Variants in SAMD5 observed in about 807,000 individuals in gnomAD.
SAMD5 encodes the protein sterile alpha motif domain containing 5.
In SAMD5, 13 loss-of-function variants were observed where a neutral mutation model predicts 11.3. That is an observed-to-expected ratio of 1.15 (90% CI 0.75 to 1.83). The LOEUF (loss-of-function observed/expected upper bound fraction) is 1.83. SAMD5 is among the 40% of genes most tolerant of loss of function. The pLI is 0.00. For missense variants in SAMD5, 255 were observed against 239.1 expected (o/e 1.07, Z -0.44); for synonymous variants, 129 against 111.3 (o/e 1.16, Z -1.00).
the SAMD5 span, among the ~76,000 whole-genome samples, chr6:147,872,280 TA>T: frequency 1.6e-4 from 24 of 152,008 alleles, no homozygotes; most frequent in African/African-American, 5.6e-4. Flanking sequence ...TGTTTTTTTT[TA>T]GAGATGGGGT....
At chr6:147,929,055 C>A in the SAMD5 span, among the ~76,000 whole-genome samples, 1 of 151,466 alleles carries the variant, frequency 6.6e-6, no homozygotes, top group Non-Finnish European at 1.5e-5. Context: ...TTTGCATTTG[C>A]TGAGGATTGT....
chr6:147,877,052 T>C, the SAMD5 span, among the ~76,000 whole-genome samples: 1 of 150,518 alleles, frequency 6.6e-6, no homozygotes, highest in East Asian at 1.9e-4. Context: ...AATGAAATTC[T>C]TTTTTCCCAA....
the SAMD5 span, among the ~76,000 whole-genome samples, chr6:147,949,331 C>A: frequency 6.6e-6 from 1 of 152,178 alleles, no homozygotes; most frequent in Non-Finnish European, 1.5e-5. Context: ...TTAACTCAGA[C>A]CGCAGTAATA....
chr6:147,688,907 A>G (rs1791059045), intron 1 of SAMD5, among the ~76,000 whole-genome samples: 1 of 152,224 alleles, frequency 6.6e-6, no homozygotes, highest in Non-Finnish European at 1.5e-5. Context: ...AACTAGTCAG[A>G]AACCTACTCT....
chr6:147,598,729 G>A lies in SAMD5; in HGVS notation c.162+89342G>A, dbSNP rs562458749. 1.1e-4 allele frequency among the ~76,000 whole-genome samples: 16 copies of A among 152,216 alleles called. 1 individual carries two copies. The highest frequency in any genetic ancestry group is 7.8e-4 in the East Asian group (4 of 5,160). On this transcript the variant is annotated intron_variant, in intron 1 of 1. Transcript: ENST00000566741. Reference sequence around the variant, plus strand: ...CCTCTTCTGTACATCTGACATGTGCGTGCATTCATTCATTCATCAATCTGC... The same window carrying A: ...CCTCTTCTGTACATCTGACATGTGCATGCATTCATTCATTCATCAATCTGC...
intron 1 of SAMD5, among the ~76,000 whole-genome samples, chr6:147,729,222 T>G (rs971473777): frequency 9.9e-5 from 15 of 152,198 alleles, no homozygotes; most frequent in Non-Finnish European, 2.1e-4. Context: ...AGGACCTCAC[T>G]TAGCGTTAAT....
Position 147,567,885 on chromosome 6 carries a change from C to T in SAMD5, c.*3429C>T. On this transcript the variant is annotated 3_prime_UTR_variant, in exon 2 of 2. Coordinates refer to ENST00000367474, the MANE Select transcript of SAMD5 (RefSeq NM_001030060.3). Reference sequence around the variant, plus strand: ...AGAATTTGATTTAAGGAAACAATAACACTCCATCCTGGGCAACAGAGCAAG... The same window carrying T: ...AGAATTTGATTTAAGGAAACAATAATACTCCATCCTGGGCAACAGAGCAAG... The T allele has an allele frequency of 1.0e-6, 1 of 985,530 alleles. No individual in the cohort carries two copies. Among genetic ancestry groups the T allele is most frequent in the Non-Finnish European group, 1.2e-6 (1 of 830,042 alleles). 61.0% of individuals were successfully genotyped at this position (985,530 alleles called of 1,614,324 possible).
chr6:147,522,813 A>G (rs1188691763), intron 1 of SAMD5, among the ~76,000 whole-genome samples: 1 of 152,302 alleles, frequency 6.6e-6, no homozygotes, highest in East Asian at 1.9e-4. Flanking sequence ...GAAGTGGGGC[A>G]TGGGGACCAG....
the SAMD5 span, among the ~76,000 whole-genome samples, chr6:147,909,181 C>A: frequency 6.6e-6 from 1 of 152,186 alleles, no homozygotes; most frequent in Non-Finnish European, 1.5e-5. Context: ...CACACGCCAG[C>A]CTAGGCTGGA....
Position 147,568,259 on chromosome 6 carries a change from A to T in SAMD5, c.*3803A>T, listed in dbSNP as rs1178732745. On this transcript the variant is annotated 3_prime_UTR_variant, in exon 2 of 2. Coordinates refer to ENST00000367474, the MANE Select transcript of SAMD5 (RefSeq NM_001030060.3). Reference sequence around the variant, plus strand: ...CCAGATATACCAGGGACTGGAAAGCACCTGCTTGAAAATTGATATGAGCAT... The same window carrying T: ...CCAGATATACCAGGGACTGGAAAGCTCCTGCTTGAAAATTGATATGAGCAT... 1 of 985,274 alleles carries T rather than the reference A, an allele frequency of 1.0e-6. No homozygotes were observed. Among genetic ancestry groups the T allele is most frequent in the African/African-American group, 1.7e-5 (1 of 57,222 alleles). The allele number at this position is 985,274 out of a possible 1,614,324, so 61.0% of individuals were successfully genotyped here. A position where few individuals can be genotyped will look rare whatever the true frequency, so the allele number is the denominator to read the frequency against.
intron 1 of SAMD5, among the ~76,000 whole-genome samples, chr6:147,605,451 T>C (rs1401068861): frequency 1.3e-5 from 2 of 152,158 alleles, no homozygotes; most frequent in African/African-American, 4.8e-5. Flanking sequence ...AATGTATTGA[T>C]AAGAATGGAT....
chr6:147,593,957 G>A (rs1409869432), intron 1 of SAMD5, among the ~76,000 whole-genome samples: 4 of 152,036 alleles, frequency 2.6e-5, no homozygotes, highest in East Asian at 3.9e-4. Context: ...GTGAAACCCC[G>A]TCTGTACTAA....
chr6:147,909,630 T>TC, the SAMD5 span, among the ~76,000 whole-genome samples: 425 of 44,560 alleles, frequency 9.5e-3, 48 homozygotes, highest in African/African-American at 0.018. Context: ...CTTTCTTTCT[T>TC]TCTCTTTCTT....
the SAMD5 span, among the ~76,000 whole-genome samples, chr6:147,824,779 T>C: frequency 1.3e-5 from 2 of 152,230 alleles, no homozygotes; most frequent in Non-Finnish European, 2.9e-5. Flanking sequence ...TAAACTAAGA[T>C]TGTTTGTTAC....
chr6:147,888,521 G>A, the SAMD5 span, among the ~76,000 whole-genome samples: 2 of 152,186 alleles, frequency 1.3e-5, no homozygotes, highest in East Asian at 1.9e-4. Context: ...TGTTTCCAAT[G>A]AGAAATCTGT....
intron 1 of SAMD5, among the ~76,000 whole-genome samples, chr6:147,621,007 C>T (rs192092987): frequency 5.6e-4 from 84 of 151,192 alleles, no homozygotes; most frequent in African/African-American, 1.3e-3. Flanking sequence ...CGCACATGCG[C>T]GCGCATGTAG....
chr6:147,691,245 C>T (rs1335299288), intron 1 of SAMD5, among the ~76,000 whole-genome samples: 1 of 152,074 alleles, frequency 6.6e-6, no homozygotes, highest in Non-Finnish European at 1.5e-5. Context: ...CCACCTGCCT[C>T]GGCCTTCCAA....
rs182178375 is a variant in SAMD5, at chr6:147,532,030, A to G, written c.459+22643A>G. Reference sequence around the variant, plus strand: ...CAAAAGAGATAGTAAAACTAACTATAACGTAGACATTACCAGAAAACAAAT... The same window carrying G: ...CAAAAGAGATAGTAAAACTAACTATGACGTAGACATTACCAGAAAACAAAT... On this transcript the variant is annotated intron_variant, in intron 1 of 1. Coordinates refer to ENST00000367474, the MANE Select transcript of SAMD5 (RefSeq NM_001030060.3). Among the ~76,000 whole-genome samples the G allele has an allele frequency of 3.3e-5, 5 of 152,350 alleles. No individual in the cohort carries two copies. In the East Asian group the frequency reaches 7.7e-4, roughly 23 times the overall value.
At chr6:147,770,356 G>A in the SAMD5 span, among the ~76,000 whole-genome samples, 2 of 151,924 alleles carry the variant, frequency 1.3e-5, no homozygotes, top group African/African-American at 4.8e-5. Flanking sequence ...CTGGATCATA[G>A]AGCTATTTAT....
Sources: allele counts gnomAD v4.1 joint callset (sites outside exome capture counted in the v4.1 genomes callset), GRCh38; gene constraint gnomAD v4.1.1; transcripts MANE v1.5; gene names NCBI Gene and HGNC (gene_info 2026-07-23, HGNC 2026-07-21).